Variants in PAPOLG observed in about 807,000 individuals in gnomAD.
The protein encoded by PAPOLG is PAP-gamma.
In PAPOLG, 40 loss-of-function variants were observed where a neutral mutation model predicts 99.0. That is an observed-to-expected ratio of 0.40 (90% CI 0.31 to 0.53). The LOEUF is 0.53. Among genes scored for constraint, PAPOLG ranks in the 20% least tolerant of loss-of-function variants. The pLI is 0.41. For missense variants in PAPOLG, 675 were observed against 884.1 expected, an observed-to-expected ratio of 0.76 and a Z score of 3.00; for synonymous variants, 310 against 299.3, an observed-to-expected ratio of 1.04 and a Z score of -0.37.
intron 3 of PAPOLG, among the ~76,000 whole-genome samples, chr2:60,763,751 G>A (rs565484010): frequency 1.8e-4 from 26 of 145,998 alleles, no homozygotes; most frequent in African/African-American, 6.3e-4. Flanking sequence ...TGATCTACCC[G>A]CCTCAGCCTC....
intron 2 of PAPOLG, among the ~76,000 whole-genome samples, chr2:60,761,012 G>A (rs1160225234): frequency 6.6e-6 from 1 of 152,122 alleles, no homozygotes; most frequent in Non-Finnish European, 1.5e-5. Context: ...TGGTCGTAGA[G>A]GTAATAAAAA....
chr2:60,779,826 T>A lies in PAPOLG; in HGVS notation c.833+51T>A, dbSNP rs372341847. 3.4e-6 allele frequency: 5 copies of A among 1,475,010 alleles called. No homozygotes were observed. The African/African-American group carries it at 7.0e-5, about 21-fold the overall frequency. 91.4% of individuals were successfully genotyped at this position (1,475,010 alleles called of 1,614,324 possible). ...CTGTTTACTAATCTCTACCTATGCG[T>A]AAGTTTGTTTGGAAATTTAAGAGCT... On this transcript the variant is annotated intron_variant, in intron 9 of 21. Transcript: ENST00000238714.
intron 21 of PAPOLG, chr2:60,795,245 T>A: frequency 1.9e-6 from 1 of 516,672 alleles, no homozygotes; most frequent in Non-Finnish European, 3.5e-6. Flanking sequence ...GACAACTTTA[T>A]TATCTATTTA....
intron 7 of PAPOLG, among the ~76,000 whole-genome samples, chr2:60,773,467 G>T (rs902566115): frequency 6.6e-6 from 1 of 152,092 alleles, no homozygotes; most frequent in South Asian, 2.1e-4. Context: ...TATTTGTTCC[G>T]TTTTGTTGCT....
intron 10 of PAPOLG, among the ~76,000 whole-genome samples, chr2:60,781,115 G>A (rs976877881): frequency 1.3e-5 from 2 of 152,194 alleles, no homozygotes; most frequent in African/African-American, 4.8e-5. Flanking sequence ...CAGCTCTTTG[G>A]GAGGCCGAGG....
rs1458481075 is a variant in PAPOLG at position 60,801,817 on chromosome 2, C to CT, written c.*4658dup. ...GAACATAAGATGATCATCAAGCTTG[C>CT]TATAAGTTTTAAGCTATTGCTACAT... is the stretch of plus-strand genomic sequence containing the variant. On this transcript the variant is annotated 3_prime_UTR_variant, in exon 22 of 22. Transcript: ENST00000238714. 4 of 152,288 alleles carry CT rather than the reference C, an allele frequency of 2.6e-5. No homozygotes were observed. Among genetic ancestry groups the CT allele is most frequent in the African/African-American group, 9.7e-5 (4 of 41,442 alleles). 9.4% of individuals were successfully genotyped at this position (152,288 alleles called of 1,614,324 possible).
chr2:60,760,856 T>G (rs552380242), intron 2 of PAPOLG, among the ~76,000 whole-genome samples: 1 of 152,174 alleles, frequency 6.6e-6, no homozygotes, highest in African/African-American at 2.4e-5. Context: ...AAGATTGACA[T>G]GATGACTTAA....
intron 15 of PAPOLG, among the ~76,000 whole-genome samples, chr2:60,791,031 A>C (rs554515963): frequency 1.3e-5 from 2 of 150,948 alleles, no homozygotes; most frequent in South Asian, 4.2e-4. Flanking sequence ...AGAGGTTGCA[A>C]TGAGTTAAGA....
chr2:60,770,062 A>G (rs938991688), intron 5 of PAPOLG, among the ~76,000 whole-genome samples: 2 of 152,066 alleles, frequency 1.3e-5, no homozygotes, highest in African/African-American at 4.8e-5. Context: ...GATGGCTTCC[A>G]GTTTCATCCA....
chr2:60,782,903 T>C, intron 12 of PAPOLG, 133 bp downstream of exon 12: 1 of 1,160,642 alleles, frequency 8.6e-7, no homozygotes, highest in East Asian at 2.8e-5. Context: ...ACAAAAATCC[T>C]AAGAGATAAG....
At chr2:60,763,960 G>A (rs567552803) in intron 3 of PAPOLG, among the ~76,000 whole-genome samples, 225 of 152,078 alleles carry the variant, frequency 1.5e-3, no homozygotes, top group Non-Finnish European at 2.6e-3. Context: ...ACGCCACCAT[G>A]CCCAGCTAAT....
chr2:60,780,228 C>T (rs1403959135), intron 9 of PAPOLG, among the ~76,000 whole-genome samples: 1 of 151,070 alleles, frequency 6.6e-6, no homozygotes, highest in African/African-American at 2.4e-5. Context: ...TTTCAGAGAA[C>T]ACTGCATTAA....
At chr2:60,781,043 G>GA (rs1671172722) in intron 10 of PAPOLG, among the ~76,000 whole-genome samples, 1 of 152,116 alleles carries the variant, frequency 6.6e-6, no homozygotes, top group African/African-American at 2.4e-5. Context: ...ATCCAGTGTG[G>GA]AAAAAATGTC....
Position 60,793,984 on chromosome 2 carries a change from A to G in PAPOLG, c.1782A>G (p.Thr594=), listed in dbSNP as rs775222674. Reference sequence around the variant, plus strand: ...TTTCCTTTTCAGAAGTTGACTCTACAGTAAAAACTGTATCACCCCCCACTG... The same window carrying G: ...TTTCCTTTTCAGAAGTTGACTCTACGGTAAAAACTGTATCACCCCCCACTG... The part of the protein sequence containing the change: ...IPVIGAKVDS[T]VKTVSPPTVC... Residue 594 remains threonine (T), a synonymous_variant, in exon 19 of 22, where the codon ACA becomes ACG. Coordinates refer to ENST00000238714, the MANE Select transcript of PAPOLG (RefSeq NM_022894.4). The G allele has an allele frequency of 6.2e-7, 1 of 1,608,598 alleles. No individual in the cohort carries two copies. Among genetic ancestry groups the G allele is most frequent in the South Asian group, 1.1e-5 (1 of 90,222 alleles).
chr2:60,788,510 C>G (rs1234780759), intron 15 of PAPOLG, among the ~76,000 whole-genome samples: 3 of 152,028 alleles, frequency 2.0e-5, no homozygotes, highest in Admixed American at 6.6e-5. Context: ...TTAGTAGAGA[C>G]GGAGTTTCAC....
intron 15 of PAPOLG, among the ~76,000 whole-genome samples, chr2:60,790,867 T>G (rs1671509851): frequency 6.6e-6 from 1 of 152,166 alleles, no homozygotes; most frequent in African/African-American, 2.4e-5. Context: ...GGTGGGTGGA[T>G]CACTTGAGGT....
chr2:60,758,215 A>G (rs564917901), intron 1 of PAPOLG, among the ~76,000 whole-genome samples: 1 of 152,304 alleles, frequency 6.6e-6, no homozygotes, highest in African/African-American at 2.4e-5. Context: ...CTCAGAGGTA[A>G]AAAGCCAAAT....
intron 3 of PAPOLG, among the ~76,000 whole-genome samples, chr2:60,767,888 T>A (rs1261662340): frequency 6.6e-6 from 1 of 152,086 alleles, no homozygotes; most frequent in Non-Finnish European, 1.5e-5. Flanking sequence ...ACAAGTATGG[T>A]CAAGTGATTA....
chr2:60,769,300 CTCTT>C (rs1363053218), intron 5 of PAPOLG, among the ~76,000 whole-genome samples: 10 of 152,106 alleles, frequency 6.6e-5, no homozygotes, highest in African/African-American at 1.9e-4. Context: ...CAGTTAGTAA[CTCTT>C]TATATGTGTA....
Sources: allele counts gnomAD v4.1 joint callset (sites outside exome capture counted in the v4.1 genomes callset), GRCh38; gene constraint gnomAD v4.1.1; transcripts MANE v1.5; gene names NCBI Gene and HGNC (gene_info 2026-07-23, HGNC 2026-07-21).